SAMSN1: variants seen among roughly 807,000 people sequenced by gnomAD.
SAMSN1 encodes SAM domain-containing protein SAMSN-1.
In SAMSN1, 31 loss-of-function variants were observed where a neutral mutation model predicts 42.0. The observed-to-expected ratio is 0.74, with a 90% CI of 0.55 to 1.00. SAMSN1 has a LOEUF of 1.00. SAMSN1 is among the 50% of genes least tolerant of loss of function. The pLI is 0.00. For synonymous variants in SAMSN1, 178 were observed against 151.9 expected (o/e 1.17, Z -1.26); for missense variants, 464 against 439.4 (o/e 1.06, Z -0.50).
intron 2 of SAMSN1, among the ~76,000 whole-genome samples, chr21:14,631,747 A>G (rs910435112): frequency 4.6e-5 from 7 of 152,184 alleles, no homozygotes; most frequent in Non-Finnish European, 1.0e-4. Context: ...TATTTTTAGG[A>G]ATTCCTCCTG....
intron 5 of SAMSN1, among the ~76,000 whole-genome samples, chr21:14,509,981 T>C (rs561684484): frequency 1.4e-4 from 21 of 150,444 alleles, no homozygotes; most frequent in South Asian, 4.2e-4. Context: ...CTACTAAAAA[T>C]ACAAAAAATT....
intron 2 of SAMSN1, among the ~76,000 whole-genome samples, chr21:14,576,041 C>T (rs1981449952): frequency 6.6e-6 from 1 of 152,062 alleles, no homozygotes; most frequent in African/African-American, 2.4e-5. Context: ...TATCATTGTG[C>T]TTGATGAAAG....
At chr21:14,560,918 T>C (rs1980927329) in intron 2 of SAMSN1, among the ~76,000 whole-genome samples, 1 of 152,220 alleles carries the variant, frequency 6.6e-6, no homozygotes, top group South Asian at 2.1e-4. Context: ...GTCTCAGTAT[T>C]GGAGGCTAAA....
chr21:14,607,654 A>G (rs932054388), intron 5 of SAMSN1, among the ~76,000 whole-genome samples: 5 of 152,186 alleles, frequency 3.3e-5, no homozygotes, highest in Non-Finnish European at 5.9e-5. Flanking sequence ...AAGCAACCAG[A>G]AGTAACTCAT....
chr21:14,572,442 C>T (rs1981329783), intron 2 of SAMSN1, among the ~76,000 whole-genome samples: 1 of 152,084 alleles, frequency 6.6e-6, no homozygotes, highest in South Asian at 2.1e-4. Context: ...CTCTTTACTG[C>T]CATGGTTATT....
intron 2 of SAMSN1, among the ~76,000 whole-genome samples, chr21:14,640,961 G>C (rs1467149129): frequency 6.6e-6 from 1 of 151,852 alleles, no homozygotes; most frequent in Non-Finnish European, 1.5e-5. Context: ...AAAAATTTTA[G>C]TCGACTAGTT....
At chr21:14,647,495 T>A (rs991287073) in intron 1 of SAMSN1, among the ~76,000 whole-genome samples, 1 of 149,408 alleles carries the variant, frequency 6.7e-6, no homozygotes, top group African/African-American at 2.4e-5. Context: ...CTATGAACTT[T>A]AAAGTAGTTT....
At chr21:14,592,910 G>A (rs1442922056) in intron 7 of SAMSN1, among the ~76,000 whole-genome samples, 1 of 152,078 alleles carries the variant, frequency 6.6e-6, no homozygotes, top group Non-Finnish European at 1.5e-5. Context: ...AGTATTTACT[G>A]AGGTTCATTT....
intron 2 of SAMSN1, among the ~76,000 whole-genome samples, chr21:14,567,973 A>G (rs1219576009): frequency 1.3e-5 from 2 of 152,172 alleles, no homozygotes; most frequent in Non-Finnish European, 1.5e-5. Flanking sequence ...AGAGAATAAA[A>G]AATGGTGTTC....
At chr21:14,577,285 T>TATATATATATA (rs1491266473) in intron 2 of SAMSN1, among the ~76,000 whole-genome samples, 5 of 36,830 alleles carry the variant, frequency 1.4e-4, no homozygotes, top group African/African-American at 5.3e-4. Flanking sequence ...TATATATATA[T>TATATATATATA]TTTTTTTTTA....
At chr21:14,545,480 C>A (rs919034219) in intron 1 of SAMSN1, among the ~76,000 whole-genome samples, 1 of 151,690 alleles carries the variant, frequency 6.6e-6, no homozygotes, top group Non-Finnish European at 1.5e-5. Context: ...AGTTGTTTTA[C>A]GTTATTAATA....
intron 1 of SAMSN1, among the ~76,000 whole-genome samples, chr21:14,543,715 A>G (rs1980192163): frequency 6.6e-6 from 1 of 152,064 alleles, no homozygotes; most frequent in African/African-American, 2.4e-5. Flanking sequence ...ATGATTAAAT[A>G]TTTTCTTCAT....
intron 2 of SAMSN1, among the ~76,000 whole-genome samples, chr21:14,577,322 C>A (rs1981539566): frequency 8.1e-6 from 1 of 122,746 alleles, no homozygotes; most frequent in African/African-American, 3.1e-5. Context: ...ACTGTGTTAG[C>A]CAGGATGGTC....
chr21:14,579,832 G>C (rs1430936292), intron 2 of SAMSN1, among the ~76,000 whole-genome samples: 1 of 151,896 alleles, frequency 6.6e-6, no homozygotes, highest in Non-Finnish European at 1.5e-5. Context: ...AACTATGGAG[G>C]ATACAAAGAT....
At chr21:14,627,765 C>CA (rs900885051) in intron 2 of SAMSN1, among the ~76,000 whole-genome samples, 15 of 151,670 alleles carry the variant, frequency 9.9e-5, no homozygotes, top group South Asian at 2.1e-4. Flanking sequence ...AAATCAAAAA[C>CA]AAAAAAAAGT....
At chr21:14,576,097 T>G (rs780235216) in intron 2 of SAMSN1, among the ~76,000 whole-genome samples, 70 of 152,080 alleles carry the variant, frequency 4.6e-4, no homozygotes, top group Admixed American at 1.3e-3. Flanking sequence ...AAAAAAGACC[T>G]GTGTGCATCT....
At chr21:14,526,362 T>C (rs1000434709) in intron 1 of SAMSN1, among the ~76,000 whole-genome samples, 1 of 152,222 alleles carries the variant, frequency 6.6e-6, no homozygotes, top group Non-Finnish European at 1.5e-5. Context: ...AATCACATCG[T>C]GCAGTTAACC....
At chr21:14,630,067 C>CA (rs750477582) in intron 2 of SAMSN1, among the ~76,000 whole-genome samples, 3 of 152,066 alleles carry the variant, frequency 2.0e-5, no homozygotes, top group East Asian at 3.9e-4. Flanking sequence ...AGCAAACTTG[C>CA]AAAAAAATGT....
chr21:14,485,867 G>T lies in SAMSN1; in HGVS notation c.*45C>A. 1 of 1,470,496 alleles carries T rather than the reference G, an allele frequency of 6.8e-7. No individual in the cohort carries two copies. The allele number at this position is 1,470,496 out of a possible 1,614,324, so 91.1% of individuals were successfully genotyped here. On this transcript the variant is annotated 3_prime_UTR_variant, in exon 8 of 8. Transcript: ENST00000400566. Reference sequence around the variant, plus strand: ...TATTTGACGTTTTAGCTCAAGAAGAGTTAAAATGGAATGCATCTGTAGATA... The same window carrying T: ...TATTTGACGTTTTAGCTCAAGAAGATTTAAAATGGAATGCATCTGTAGATA...
Sources: gnomAD v4.1 joint callset for allele counts (sites outside exome capture counted in the v4.1 genomes callset) on GRCh38, gnomAD v4.1.1 for gene constraint, MANE v1.5 for transcripts, NCBI Gene and HGNC (gene_info 2026-07-23, HGNC 2026-07-21) for gene names.